The following ZNF148 variants were observed in gnomAD, a reference collection of about 807,000 sequenced individuals.
ZNF148 encodes Beta-Enolase Repressor Factor-1.
Under a neutral mutation model 67.7 loss-of-function variants are expected in ZNF148, and 7 were observed. The ratio of observed to expected loss-of-function variants is 0.10; its 90% CI spans 0.06 to 0.19. The LOEUF (loss-of-function observed/expected upper bound fraction) is 0.19. Among genes scored for constraint, ZNF148 ranks in the 10% least tolerant of loss-of-function variants. The pLI is 1.00. For missense variants in ZNF148, 583 were observed against 947.1 expected (o/e 0.62, Z 5.05); for synonymous variants, 333 against 330.7 (o/e 1.01, Z -0.08).
Position 125,231,873 on chromosome 3 carries a change from T to C in ZNF148, c.*468A>G, listed in dbSNP as rs1579572678. The C allele has an allele frequency of 6.4e-6, 1 of 155,368 alleles. No individual in the cohort carries two copies. The highest frequency in any genetic ancestry group is 6.3e-5 in the Admixed American group (1 of 15,846). 9.6% of individuals were successfully genotyped at this position (155,368 alleles called of 1,614,324 possible). ...TCCCCCTATAGGACACACTAATTTA[T>C]TTAAGCCATAATCTCTTGACATTAA... On this transcript the variant is annotated 3_prime_UTR_variant, in exon 9 of 9. Coordinates refer to ENST00000360647, the MANE Select transcript of ZNF148 (RefSeq NM_021964.3).
At chr3:125,366,890 C>T (rs1309919868) in intron 1 of ZNF148, among the ~76,000 whole-genome samples, 1 of 152,128 alleles carries the variant, frequency 6.6e-6, no homozygotes, top group Non-Finnish European at 1.5e-5. Flanking sequence ...TAAAATTCCA[C>T]TTTTATGCCT....
chr3:125,229,280 A>C lies in ZNF148; in HGVS notation c.*3061T>G, dbSNP rs929671648. ...AAAGAAGCGGCAAAAGATCTAACCT[A>C]GCTGGCACTCTGCAAGTGTCTCTCC... is the stretch of plus-strand genomic sequence containing the variant. On this transcript the variant is annotated 3_prime_UTR_variant, in exon 9 of 9. Coordinates refer to ENST00000360647, the MANE Select transcript of ZNF148 (RefSeq NM_021964.3). 1.3e-5 allele frequency: 2 copies of C among 150,990 alleles called. No homozygotes were observed. Among genetic ancestry groups the C allele is most frequent in the African/African-American group, 4.9e-5 (2 of 41,002 alleles). 9.4% of individuals were successfully genotyped at this position (150,990 alleles called of 1,614,324 possible).
At chr3:125,313,908 T>G (rs1191231615) in intron 3 of ZNF148, among the ~76,000 whole-genome samples, 1 of 152,018 alleles carries the variant, frequency 6.6e-6, no homozygotes, top group Non-Finnish European at 1.5e-5. Flanking sequence ...AAGCCTGACA[T>G]AAAAACAAAT....
rs919669231 is a variant in ZNF148 at position 125,297,438 on chromosome 3, A to G, written c.334-9210T>C. On this transcript the variant is annotated intron_variant, in intron 4 of 8. Coordinates refer to ENST00000360647, the MANE Select transcript of ZNF148 (RefSeq NM_021964.3). ...ATACCAAAAGGAAAAGACTTATACA[A>G]TAAATCGAACCTTATTAACTCCTGT... Among the ~76,000 whole-genome samples the G allele has an allele frequency of 7.5e-5, 11 of 145,704 alleles. 2 individuals carry two copies. Among genetic ancestry groups the G allele is most frequent in the South Asian group, 2.1e-4 (1 of 4,830 alleles).
chr3:125,278,314 A>C (rs747441864), intron 6 of ZNF148, among the ~76,000 whole-genome samples: 1 of 152,060 alleles, frequency 6.6e-6, no homozygotes, highest in Non-Finnish European at 1.5e-5. Flanking sequence ...TTTCCTTTTA[A>C]GGAAAGTATT....
intron 7 of ZNF148, among the ~76,000 whole-genome samples, chr3:125,239,463 C>A (rs1211438825): frequency 6.6e-6 from 1 of 152,116 alleles, no homozygotes; most frequent in Admixed American, 6.5e-5. Context: ...TAAATCAAAA[C>A]CACAAGATTT....
intron 4 of ZNF148, among the ~76,000 whole-genome samples, chr3:125,312,560 G>C (rs980275846): frequency 6.6e-6 from 1 of 152,214 alleles, no homozygotes; most frequent in Non-Finnish European, 1.5e-5. Context: ...GGCTGATGAT[G>C]ATGGAGCACT....
chr3:125,357,332 G>GCACA, intron 1 of ZNF148: 1 of 154,176 alleles, frequency 6.5e-6, no homozygotes, highest in Non-Finnish European at 1.4e-5. Flanking sequence ...ACGCACGCAC[G>GCACA]CACTTACACA....
At chr3:125,313,733 G>T in intron 3 of ZNF148, 77 bp from the exon 4 acceptor site, 6 of 1,155,564 alleles carry the variant, frequency 5.2e-6, no homozygotes, top group African/African-American at 1.6e-5. Flanking sequence ...TTCAAATTAA[G>T]AATTTGAACA....
At chr3:125,264,152 T>C (rs1242498373) in intron 7 of ZNF148, among the ~76,000 whole-genome samples, 1 of 152,218 alleles carries the variant, frequency 6.6e-6, no homozygotes, top group Non-Finnish European at 1.5e-5. Context: ...ACTGAATCCT[T>C]TGTAATAAAA....
intron 4 of ZNF148, among the ~76,000 whole-genome samples, chr3:125,302,841 G>C (rs1939667391): frequency 1.3e-5 from 2 of 152,186 alleles, no homozygotes; most frequent in African/African-American, 4.8e-5. Context: ...GACTGTATCT[G>C]GGTGATAGGG....
chr3:125,310,073 ATTTTTTTTTTT>A (rs3030721), intron 4 of ZNF148, among the ~76,000 whole-genome samples: 4 of 137,402 alleles, frequency 2.9e-5, no homozygotes, highest in East Asian at 2.1e-4. Flanking sequence ...GGTTCAAAGA[ATTTTTTTTTTT>A]TTTTTTTTTT....
chr3:125,280,556 C>G (rs1467174436), intron 5 of ZNF148, among the ~76,000 whole-genome samples: 1 of 151,626 alleles, frequency 6.6e-6, no homozygotes, highest in Non-Finnish European at 1.5e-5. Flanking sequence ...TGGCACACAC[C>G]TGTACTCTCA....
chr3:125,353,256 A>T (rs1206925622), intron 1 of ZNF148, among the ~76,000 whole-genome samples: 1 of 152,190 alleles, frequency 6.6e-6, no homozygotes, highest in Non-Finnish European at 1.5e-5. Context: ...TATAGATAGT[A>T]AACAGTTTGC....
chr3:125,333,559 T>C (rs1311506024), intron 1 of ZNF148, among the ~76,000 whole-genome samples: 2 of 152,068 alleles, frequency 1.3e-5, no homozygotes, highest in Non-Finnish European at 2.9e-5. Flanking sequence ...CCTACTAAGA[T>C]GGAAACGGAA....
intron 7 of ZNF148, among the ~76,000 whole-genome samples, chr3:125,271,779 A>C (rs1418925473): frequency 6.6e-6 from 1 of 152,208 alleles, no homozygotes; most frequent in Non-Finnish European, 1.5e-5. Flanking sequence ...ATGAATTCTT[A>C]GGAATTGCTA....
At chr3:125,269,635 A>G (rs1435337379) in intron 7 of ZNF148, among the ~76,000 whole-genome samples, 1 of 152,132 alleles carries the variant, frequency 6.6e-6, no homozygotes, top group African/African-American at 2.4e-5. Context: ...AAAAAATTCT[A>G]CCGAATGACA....
intron 4 of ZNF148, among the ~76,000 whole-genome samples, chr3:125,298,308 A>G (rs968787902): frequency 7.3e-5 from 11 of 150,904 alleles, no homozygotes; most frequent in Non-Finnish European, 1.3e-4. Context: ...ACATTTCAAT[A>G]AAAAGACATA....
chr3:125,309,715 T>G (rs963049714), intron 4 of ZNF148, among the ~76,000 whole-genome samples: 1 of 152,212 alleles, frequency 6.6e-6, no homozygotes, highest in Non-Finnish European at 1.5e-5. Context: ...GGGAATGACA[T>G]GTATACATCT....
Sources: gnomAD v4.1 joint callset for allele counts (sites outside exome capture counted in the v4.1 genomes callset) on GRCh38, gnomAD v4.1.1 for gene constraint, MANE v1.5 for transcripts, NCBI Gene and HGNC (gene_info 2026-07-23, HGNC 2026-07-21) for gene names.